TRPM1: variants seen among roughly 807,000 people sequenced by gnomAD.
The protein encoded by TRPM1 is transient receptor potential cation channel subfamily M member 1.
In TRPM1, 113 loss-of-function variants were observed where a neutral mutation model predicts 149.4. The ratio of observed to expected loss-of-function variants is 0.76; its 90% CI spans 0.65 to 0.88. The LOEUF is 0.88. Ranked by LOEUF, TRPM1 falls within the 40% of genes least tolerant of loss-of-function variation. The pLI is 0.00. For missense variants in TRPM1, 1,976 were observed against 2,038.7 expected (o/e 0.97, Z 0.59); for synonymous variants, 741 against 759.5 (o/e 0.98, Z 0.40).
chr15:31,060,138 C>CACACATACACAA (rs2034186497), intron 11 of TRPM1: 1 of 348,768 alleles, frequency 2.9e-6, no homozygotes, highest in Admixed American at 4.2e-5. Flanking sequence ...CACATAGACA[C>CACACATACACAA]ACACACATAA....
At chr15:31,022,403 G>A (rs2032579111) in intron 27 of TRPM1, among the ~76,000 whole-genome samples, 1 of 152,246 alleles carries the variant, frequency 6.6e-6, no homozygotes, top group Admixed American at 6.5e-5. Flanking sequence ...GGCTGAGGCA[G>A]GAGGATAGCT....
intron 7 of TRPM1, among the ~76,000 whole-genome samples, chr15:31,063,988 T>G (rs1330408064): frequency 6.6e-6 from 1 of 152,110 alleles, no homozygotes; most frequent in East Asian, 1.9e-4. Context: ...TGGCTGTCCC[T>G]GAAGAATAAG....
At chr15:31,157,562 G>T (rs995674421) in intron 1 of TRPM1, among the ~76,000 whole-genome samples, 4 of 152,286 alleles carry the variant, frequency 2.6e-5, no homozygotes, top group Non-Finnish European at 4.4e-5. Flanking sequence ...AGGGATAAAA[G>T]TGCAAGGCAG....
chr15:31,013,681 C>A (rs2032262399), intron 27 of TRPM1, among the ~76,000 whole-genome samples: 1 of 152,124 alleles, frequency 6.6e-6, no homozygotes, highest in South Asian at 2.1e-4. Context: ...ATTCTCTCCC[C>A]TCTCAGGCTT....
At chr15:31,130,841 C>G (rs181400381) in intron 1 of TRPM1, among the ~76,000 whole-genome samples, 3 of 152,088 alleles carry the variant, frequency 2.0e-5, no homozygotes, top group Non-Finnish European at 4.4e-5. Context: ...CCCTAGTCTC[C>G]GAATGTTCAG....
At chr15:31,100,226 A>G (rs1475361119) in intron 1 of TRPM1, among the ~76,000 whole-genome samples, 1 of 151,370 alleles carries the variant, frequency 6.6e-6, no homozygotes, top group Non-Finnish European at 1.5e-5. Flanking sequence ...ACAGGCGCGC[A>G]CTACCATGCC....
At position 31,026,027 on chromosome 15, in the gene TRPM1, CAGG is replaced by C. The variant is rs1316399552; in HGVS notation, c.3629+109_3629+111del. On this transcript the variant is annotated intron_variant, in intron 27 of 27. Coordinates refer to ENST00000256552, the MANE Select transcript of TRPM1 (RefSeq NM_001252024.2). ...GTTAAAACCTAAAGTTTAAATAAAA[CAGG>C]AGAACTCGGAGTGCATGTTTAAATG... 8 of 1,469,494 alleles carry C rather than the reference CAGG, an allele frequency of 5.4e-6. No homozygotes were observed. In the East Asian group the frequency reaches 9.1e-5, roughly 17 times the overall value. 91.0% of individuals were successfully genotyped at this position (1,469,494 alleles called of 1,614,324 possible).
intron 27 of TRPM1, among the ~76,000 whole-genome samples, chr15:31,024,867 A>G (rs1179129728): frequency 6.6e-6 from 1 of 152,252 alleles, no homozygotes; most frequent in Non-Finnish European, 1.5e-5. Context: ...AAGTTTTATT[A>G]AAAATTCACC....
chr15:31,077,895 A>ATGTG (rs1421957649), intron 2 of TRPM1, among the ~76,000 whole-genome samples: 9 of 151,280 alleles, frequency 5.9e-5, no homozygotes, highest in African/African-American at 1.9e-4. Context: ...GTGTGGTGTT[A>ATGTG]TGTGTGTGGT....
At chr15:31,114,152 G>T (rs193283457) in intron 1 of TRPM1, among the ~76,000 whole-genome samples, 39 of 152,080 alleles carry the variant, frequency 2.6e-4, no homozygotes, top group Non-Finnish European at 4.7e-4. Flanking sequence ...ATTTTTTTCT[G>T]ATCTTTTCTC....
At chr15:31,089,950 A>G (rs1202508853) in intron 1 of TRPM1, among the ~76,000 whole-genome samples, 1 of 152,182 alleles carries the variant, frequency 6.6e-6, no homozygotes, top group Admixed American at 6.5e-5. Flanking sequence ...GGAAGTGACT[A>G]CGGTGTGTGT....
At chr15:31,044,782 A>G (rs1464874554) in intron 16 of TRPM1, among the ~76,000 whole-genome samples, 1 of 72,672 alleles carries the variant, frequency 1.4e-5, no homozygotes, top group Non-Finnish European at 2.5e-5. Flanking sequence ...CTCCTACTCA[A>G]AAAAAAAAAA....
intron 18 of TRPM1, among the ~76,000 whole-genome samples, chr15:31,038,808 A>G (rs1023522417): frequency 8.5e-5 from 13 of 152,074 alleles, no homozygotes; most frequent in Admixed American, 1.3e-4. Context: ...AATAAAATAT[A>G]ATACCTCTAG....
chr15:31,078,588 C>T (rs2034774235), intron 2 of TRPM1, among the ~76,000 whole-genome samples: 1 of 152,228 alleles, frequency 6.6e-6, no homozygotes, highest in Admixed American at 6.5e-5. Context: ...TGCTTTTGTG[C>T]TAATGCAAGG....
At chr15:31,150,351 A>C (rs919648643) in intron 1 of TRPM1, among the ~76,000 whole-genome samples, 3 of 151,750 alleles carry the variant, frequency 2.0e-5, no homozygotes, top group Admixed American at 1.3e-4. Flanking sequence ...GTTAGGCTAT[A>C]GAGGGACCCC....
chr15:31,037,630 G>T, intron 20 of TRPM1, 81 bp downstream of exon 20: 1 of 1,580,380 alleles, frequency 6.3e-7, no homozygotes, highest in Non-Finnish European at 8.7e-7. Context: ...ACTTTTTTAA[G>T]CCCTTGAAGT....
chr15:31,150,394 G>A (rs1343362513), intron 1 of TRPM1, among the ~76,000 whole-genome samples: 1 of 151,646 alleles, frequency 6.6e-6, no homozygotes, highest in African/African-American at 2.4e-5. Context: ...TGGTCAGGCA[G>A]GCAGTTAGGG....
intron 27 of TRPM1, among the ~76,000 whole-genome samples, chr15:31,022,597 A>G (rs899391516): frequency 1.3e-5 from 2 of 152,268 alleles, no homozygotes; most frequent in Non-Finnish European, 1.5e-5. Context: ...CTGTGGCACA[A>G]TCCTTTGGCT....
chr15:31,033,043 G>T, intron 21 of TRPM1, 103 bp from the exon 22 acceptor site: 4 of 1,523,978 alleles, frequency 2.6e-6, no homozygotes, highest in Non-Finnish European at 1.8e-6. Context: ...AGGTCATCTG[G>T]CCCCTTTCCT....
Sources: allele counts gnomAD v4.1 joint callset (sites outside exome capture counted in the v4.1 genomes callset), GRCh38; gene constraint gnomAD v4.1.1; transcripts MANE v1.5; gene names NCBI Gene and HGNC (gene_info 2026-07-23, HGNC 2026-07-21).